Variants in FAM221B observed in about 807,000 individuals in gnomAD.
The protein encoded by FAM221B is family with sequence similarity 221 member B.
Under a neutral mutation model 39.8 loss-of-function variants are expected in FAM221B, and 35 were observed. The ratio of observed to expected loss-of-function variants is 0.88; its 90% CI spans 0.67 to 1.17. The LOEUF is 1.17. Ranked by LOEUF, FAM221B falls within the 50% of genes most tolerant of loss-of-function variation. FAM221B has a pLI of 0.00. For synonymous variants in FAM221B, 158 were observed against 178.1 expected (o/e 0.89, Z 0.90); for missense variants, 479 against 503.1 (o/e 0.95, Z 0.46).
In FAM221B at chr9:35,828,417, A is replaced by T; in HGVS notation, c.-1+46T>A. On this transcript the variant is annotated intron_variant, in intron 1 of 6. Transcript: ENST00000423537. This position sits in a 1 kb window ranked among gnomAD's most constrained non-coding sequence, Gnocchi z 4.5. ...GGACTGAGGGGTGGGAGAAAGACAGATGTCTTTGAGGGAAGAGGGCAAGGG... is the reference window on the plus strand; with the variant it reads ...GGACTGAGGGGTGGGAGAAAGACAGTTGTCTTTGAGGGAAGAGGGCAAGGG... 1.2e-6 allele frequency: 1 copy of T among 832,514 alleles called. No individual in the cohort carries two copies. Among genetic ancestry groups the T allele is most frequent in the Non-Finnish European group, 1.4e-6 (1 of 690,710 alleles). 51.6% of individuals were successfully genotyped at this position (832,514 alleles called of 1,614,324 possible). A position where few individuals can be genotyped will look rare whatever the true frequency, so the allele number is the denominator to read the frequency against.
chr9:35,818,961 T>C lies in FAM221B; in HGVS notation c.1100A>G (p.Asp367Gly). The stretch of plus-strand genomic sequence containing the variant: ...AGTCTCGTGTTCCTCCCAGCGCCGG[T>C]CACAGGCCGCACAGAGGAAATTAGA... ...FESNFLCAAC[D>G]RRWEEHETFF... is the part of the protein sequence containing the mutation. Residue 367 changes from aspartate (D) to glycine (G), a missense_variant, in exon 6 of 7, where the codon GAC becomes GGC. Transcript: ENST00000423537. 6.4e-7 allele frequency: 1 copy of C among 1,551,720 alleles called. No homozygotes were observed. The highest frequency in any genetic ancestry group is 8.7e-7 in the Non-Finnish European group (1 of 1,147,002).
intron 1 of FAM221B, among the ~76,000 whole-genome samples, chr9:35,826,512 C>T (rs1829370345): frequency 6.6e-6 from 1 of 152,140 alleles, no homozygotes; most frequent in Non-Finnish European, 1.5e-5. Flanking sequence ...GGGTCCTTGG[C>T]ATATCTTAAA....
Position 35,825,512 on chromosome 9 carries a change from G to T in FAM221B, c.598+52C>A. 1 of 1,578,114 alleles carries T rather than the reference G, an allele frequency of 6.3e-7. No homozygotes were observed. Among genetic ancestry groups the T allele is most frequent in the Non-Finnish European group, 8.6e-7 (1 of 1,156,560 alleles). ...GTGAATAGTAGTGAGAACAGGACAG[G>T]GGAGAGGACAGGTACAATTACAGCT... On this transcript the variant is annotated intron_variant, in intron 2 of 6. Coordinates refer to ENST00000423537, the MANE Select transcript of FAM221B (RefSeq NM_001012446.4). The surrounding 1 kb of genome is among the most constrained non-coding windows in gnomAD (Gnocchi z 4.2).
At position 35,819,178 on chromosome 9, in the gene FAM221B, C is replaced by T. The variant is rs545222335; in HGVS notation, c.1051+19G>A. ...CCCACCTACCCTGCTCCCAATACAC[C>T]TCTTGCCCTAGAAGTTACCATGATG... On this transcript the variant is annotated intron_variant, in intron 5 of 6. Coordinates refer to ENST00000423537, the MANE Select transcript of FAM221B (RefSeq NM_001012446.4). 21 of 1,548,558 alleles carry T rather than the reference C, an allele frequency of 1.4e-5. No homozygotes were observed. Among genetic ancestry groups the T allele is most frequent in the South Asian group, 4.8e-5 (4 of 83,756 alleles).
rs1178867607 is a variant in FAM221B, at chr9:35,819,180, C to T, written c.1051+17G>A. 6.5e-7 allele frequency: 1 copy of T among 1,548,740 alleles called. No homozygotes were observed. The highest frequency in any genetic ancestry group is 2.4e-5 in the East Asian group (1 of 40,864). On this transcript the variant is annotated intron_variant, in intron 5 of 6. Transcript: ENST00000423537. ...CACCTACCCTGCTCCCAATACACCTCTTGCCCTAGAAGTTACCATGATGCC... is the reference window on the plus strand; with the variant it reads ...CACCTACCCTGCTCCCAATACACCTTTTGCCCTAGAAGTTACCATGATGCC...
chr9:35,828,564 G>A lies in FAM221B; in HGVS notation c.-102C>T. ...CCTCAGGGAGGAAAGGCTCTTGGTTGTGGATGTGCCTCAGCTGCAGGTGCT... is the reference window on the plus strand; with the variant it reads ...CCTCAGGGAGGAAAGGCTCTTGGTTATGGATGTGCCTCAGCTGCAGGTGCT... On this transcript the variant is annotated 5_prime_UTR_variant, in exon 1 of 7. Transcript: ENST00000423537. This position sits in a 1 kb window ranked among gnomAD's most constrained non-coding sequence, Gnocchi z 4.5. 1.0e-6 allele frequency: 1 copy of A among 985,496 alleles called. No homozygotes were observed. The highest frequency in any genetic ancestry group is 1.2e-6 in the Non-Finnish European group (1 of 829,964). 61.0% of individuals were successfully genotyped at this position (985,496 alleles called of 1,614,324 possible). A position where few individuals can be genotyped will look rare whatever the true frequency, so the allele number is the denominator to read the frequency against.
rs568918351 is a variant in FAM221B, at chr9:35,826,421, C to T, written c.1-260G>A. Among the ~76,000 whole-genome samples, 7 of 152,254 alleles carry T rather than the reference C, an allele frequency of 4.6e-5. No homozygotes were observed. The South Asian group carries it at 1.0e-3, about 23-fold the overall frequency. On this transcript the variant is annotated intron_variant, in intron 1 of 6. Coordinates refer to ENST00000423537, the MANE Select transcript of FAM221B (RefSeq NM_001012446.4). The stretch of plus-strand genomic sequence containing the variant: ...TAAAGATTGAAAGACTGAAGTAGTT[C>T]GAATCCCATCAGTAGATGGTAGCAG...
chr9:35,828,424 T>C lies in FAM221B; in HGVS notation c.-1+39A>G, dbSNP rs1052877547. 4 of 909,786 alleles carry C rather than the reference T, an allele frequency of 4.4e-6. No homozygotes were observed. Among genetic ancestry groups the C allele is most frequent in the Non-Finnish European group, 5.3e-6 (4 of 761,348 alleles). The allele number at this position is 909,786 out of a possible 1,614,324, so 56.4% of individuals were successfully genotyped here. ...GGGGTGGGAGAAAGACAGATGTCTT[T>C]GAGGGAAGAGGGCAAGGGCCGTTGG... On this transcript the variant is annotated intron_variant, in intron 1 of 6. Transcript: ENST00000423537. This position sits in a 1 kb window ranked among gnomAD's most constrained non-coding sequence, Gnocchi z 4.5.
At chr9:35,820,687 T>C (rs899232963) in intron 3 of FAM221B, among the ~76,000 whole-genome samples, 17 of 152,116 alleles carry the variant, frequency 1.1e-4, no homozygotes, top group African/African-American at 3.9e-4. Flanking sequence ...GTAGCAGTCA[T>C]GAGTGGTGAA....
chr9:35,821,102 C>T (rs1321615822), intron 3 of FAM221B, among the ~76,000 whole-genome samples: 1 of 152,246 alleles, frequency 6.6e-6, no homozygotes, highest in Non-Finnish European at 1.5e-5. Flanking sequence ...CTATTGCCAT[C>T]CATAGCTCCT....
chr9:35,819,103 C>A, intron 5 of FAM221B, 94 bp from the exon 6 acceptor site: 1 of 1,537,024 alleles, frequency 6.5e-7, no homozygotes, highest in Non-Finnish European at 8.8e-7. Flanking sequence ...ACCGCATGCC[C>A]AAGGCTCTCA....
Position 35,825,824 on chromosome 9 carries a change from C to CGT in FAM221B, c.336_337dup (p.Arg113HisfsTer13). On this transcript the variant is annotated frameshift_variant, in exon 2 of 7. Coordinates refer to ENST00000423537, the MANE Select transcript of FAM221B (RefSeq NM_001012446.4). LOFTEE classifies it high-confidence loss of function. This position sits in a 1 kb window ranked among gnomAD's most constrained non-coding sequence, Gnocchi z 4.2. ...AGAAGAAGACAGACAGACATAGTCT[C>CGT]GTGATTGGGGAGGAAGAGTAAGGTG... is the stretch of plus-strand genomic sequence containing the variant. 6.2e-7 allele frequency: 1 copy of CGT among 1,614,048 alleles called. No homozygotes were observed.
At position 35,817,114 on chromosome 9, in the gene FAM221B, C is replaced by T. The variant is rs1014232793; in HGVS notation, c.*1355G>A. 6.6e-6 allele frequency: 1 copy of T among 152,308 alleles called. No individual in the cohort carries two copies. Among genetic ancestry groups the T allele is most frequent in the Admixed American group, 6.5e-5 (1 of 15,306 alleles). 9.4% of individuals were successfully genotyped at this position (152,308 alleles called of 1,614,324 possible). A position where few individuals can be genotyped will look rare whatever the true frequency, so the allele number is the denominator to read the frequency against. ...TGTTTTACAGGTCCAGAAACTCAGC[C>T]TAAAGAGGGACAGTGACTTGCCTGG... On this transcript the variant is annotated 3_prime_UTR_variant, in exon 7 of 7. Coordinates refer to ENST00000423537, the MANE Select transcript of FAM221B (RefSeq NM_001012446.4).
chr9:35,820,046 C>T, intron 3 of FAM221B, 46 bp from the exon 4 acceptor site: 1 of 1,432,986 alleles, frequency 7.0e-7, no homozygotes, highest in Non-Finnish European at 9.8e-7. Context: ...ATTCTAAGCT[C>T]CCCCGAAGTG....
chr9:35,825,244 T>C lies in FAM221B; in HGVS notation c.728A>G (p.Asn243Ser). Residue 243 changes from asparagine to serine, a missense_variant, in exon 3 of 7, where the codon AAT (asparagine) becomes AGT (serine). By Grantham distance (46) the Asn-to-Ser change is conservative (BLOSUM62 1). Coordinates refer to ENST00000423537, the MANE Select transcript of FAM221B (RefSeq NM_001012446.4). The surrounding 1 kb of genome is among the most constrained non-coding windows in gnomAD (Gnocchi z 4.2). ...LFQWEKDAAL[N>S]AIQTGLYIGW... ...CATGGGCTCACCTGTCTGGATGGCA[T>C]TCAGGGCTGCATCCTTCTCCCACTG... 6.2e-7 allele frequency: 1 copy of C among 1,614,236 alleles called. No individual in the cohort carries two copies. The highest frequency in any genetic ancestry group is 8.5e-7 in the Non-Finnish European group (1 of 1,180,044).
chr9:35,826,964 GC>G (rs1829390997), intron 1 of FAM221B: 1 of 152,238 alleles, frequency 6.6e-6, no homozygotes, highest in Non-Finnish European at 1.5e-5. Flanking sequence ...GTGCCACCAT[GC>G]CCGGCTAAGT....
intron 3 of FAM221B, among the ~76,000 whole-genome samples, chr9:35,822,597 CG>C (rs35636044): frequency 6.6e-6 from 1 of 152,026 alleles, no homozygotes; most frequent in Non-Finnish European, 1.5e-5. Flanking sequence ...TTAATAGAGA[CG>C]GGGTTTCACC....
At position 35,825,698 on chromosome 9, in the gene FAM221B, T is replaced by G; in HGVS notation, c.464A>C (p.His155Pro). The G allele has an allele frequency of 6.2e-7, 1 of 1,614,196 alleles. No individual in the cohort carries two copies. Among genetic ancestry groups the G allele is most frequent in the Admixed American group, 1.7e-5 (1 of 60,024 alleles). ...HLSESESLPE[H>P]CLSGPSSQVQ... ...CTGGGATGAAGGGCCTGAAAGACAG[T>G]GTTCTGGAAGGCTCTCAGATTCAGA... Residue 155 changes from histidine (H) to proline (P), a missense_variant, in exon 2 of 7, where the codon CAC (histidine) becomes CCC (proline). By Grantham distance (77) the His-to-Pro change is moderately conservative. Coordinates refer to ENST00000423537, the MANE Select transcript of FAM221B (RefSeq NM_001012446.4). The surrounding 1 kb of genome is among the most constrained non-coding windows in gnomAD (Gnocchi z 4.2).
At position 35,826,164 on chromosome 9, in the gene FAM221B, A is replaced by G; in HGVS notation, c.1-3T>C. 6.4e-7 allele frequency: 1 copy of G among 1,574,168 alleles called. No individual in the cohort carries two copies. Among genetic ancestry groups the G allele is most frequent in the Non-Finnish European group, 8.6e-7 (1 of 1,163,388 alleles). On this transcript the variant is annotated splice_region_variant and splice_polypyrimidine_tract_variant and intron_variant, in intron 1 of 6. Coordinates refer to ENST00000423537, the MANE Select transcript of FAM221B (RefSeq NM_001012446.4). ...TCTATGATCTCATGTGCTTCCATCT[A>G]GTGGTAGAACAGGGTACAGGCTTCA... is the stretch of plus-strand genomic sequence containing the variant.
Sources: gnomAD v4.1 joint callset for allele counts (sites outside exome capture counted in the v4.1 genomes callset) on GRCh38, gnomAD v4.1.1 for gene constraint, Gnocchi (gnomAD v3.1) non-coding constraint, MANE v1.5 for transcripts, NCBI Gene and HGNC (gene_info 2026-07-23, HGNC 2026-07-21) for gene names.